Variants in KCNK3 observed in about 807,000 individuals in gnomAD.
KCNK3 encodes the protein potassium two pore domain channel subfamily K member 3.
Under a neutral mutation model 27.3 loss-of-function variants are expected in KCNK3, and 9 were observed. The ratio of observed to expected loss-of-function variants is 0.33; its 90% CI spans 0.20 to 0.57. The LOEUF (loss-of-function observed/expected upper bound fraction) is 0.57, where lower values mean the gene tolerates loss of function less well. KCNK3 is among the 20% of genes least tolerant of loss of function. The pLI, the probability that KCNK3 is intolerant of heterozygous loss-of-function variation, is 0.87. For synonymous variants in KCNK3, 278 were observed against 273.8 expected (o/e 1.02, Z -0.15); for missense variants, 391 against 577.7 (o/e 0.68, Z 3.31).
chr2:26,718,470 A>T (rs1007474167), intron 1 of KCNK3, among the ~76,000 whole-genome samples: 2 of 152,208 alleles, frequency 1.3e-5, no homozygotes, highest in African/African-American at 4.8e-5. Context: ...TACAAAAGTA[A>T]TAGTTTTTTG....
In KCNK3 at chr2:26,692,874, C is replaced by A. The variant is rs756684255; in HGVS notation, c.-2C>A. 40 of 1,321,204 alleles carry A rather than the reference C, an allele frequency of 3.0e-5. No individual in the cohort carries two copies. In the East Asian group the frequency reaches 1.0e-3, roughly 33 times the overall value. 81.8% of individuals were successfully genotyped at this position (1,321,204 alleles called of 1,614,324 possible). On this transcript the variant is annotated 5_prime_UTR_variant, in exon 1 of 2. Transcript: ENST00000302909. The surrounding 1 kb of genome is among the most constrained non-coding windows in gnomAD (Gnocchi z 5.6). ...GGGGCCGGCGGCGGCCCGGGCGGGA[C>A]GATGAAGCGGCAGAACGTGCGCACG...
intron 1 of KCNK3, among the ~76,000 whole-genome samples, chr2:26,699,093 G>A (rs995805644): frequency 2.6e-5 from 4 of 151,222 alleles, no homozygotes; most frequent in East Asian, 1.9e-4. Context: ...CAGGAGAATC[G>A]CTTAAACCTG....
intron 1 of KCNK3, among the ~76,000 whole-genome samples, chr2:26,713,227 A>G (rs1663157677): frequency 6.6e-6 from 1 of 152,226 alleles, no homozygotes; most frequent in Non-Finnish European, 1.5e-5. Flanking sequence ...ATTGGAGGCC[A>G]GAAGAGATGA....
intron 1 of KCNK3, among the ~76,000 whole-genome samples, chr2:26,712,322 G>A (rs911684543): frequency 2.0e-5 from 3 of 152,186 alleles, no homozygotes; most frequent in Non-Finnish European, 4.4e-5. Context: ...GCAACCGAAG[G>A]CTTGTTCACT....
chr2:26,702,781 C>A (rs1448660174), intron 1 of KCNK3, among the ~76,000 whole-genome samples: 1 of 152,056 alleles, frequency 6.6e-6, no homozygotes, highest in African/African-American at 2.4e-5. Context: ...CTGGTAGGGG[C>A]TGGCTTGGCA....
chr2:26,730,895 A>G lies in KCNK3; in HGVS notation c.*2327A>G, dbSNP rs1663527167. 1 of 152,950 alleles carries G rather than the reference A, an allele frequency of 6.5e-6. No homozygotes were observed. Among genetic ancestry groups the G allele is most frequent in the South Asian group, 2.1e-4 (1 of 4,840 alleles). The allele number at this position is 152,950 out of a possible 1,614,324, so 9.5% of individuals were successfully genotyped here. A position where few individuals can be genotyped will look rare whatever the true frequency, so the allele number is the denominator to read the frequency against. ...GAAGGGTGCAGAATGGCCGTGGGGC[A>G]CAGCGTGGCAGACTGTTCAGTCTCT... is the stretch of plus-strand genomic sequence containing the variant. On this transcript the variant is annotated 3_prime_UTR_variant, in exon 2 of 2. Coordinates refer to ENST00000302909, the MANE Select transcript of KCNK3 (RefSeq NM_002246.3).
intron 1 of KCNK3, among the ~76,000 whole-genome samples, chr2:26,717,355 A>G (rs1663250462): frequency 6.6e-6 from 1 of 152,154 alleles, no homozygotes; most frequent in Admixed American, 6.5e-5. Context: ...TGTGGCAAGG[A>G]GATACCAACA....
chr2:26,711,680 G>A (rs1367885759), intron 1 of KCNK3, among the ~76,000 whole-genome samples: 6 of 152,360 alleles, frequency 3.9e-5, no homozygotes, highest in East Asian at 1.9e-4. Context: ...CAATAGGGTC[G>A]TTTGAAGATT....
intron 1 of KCNK3, among the ~76,000 whole-genome samples, chr2:26,710,181 C>T (rs1194085791): frequency 2.6e-5 from 4 of 152,224 alleles, no homozygotes; most frequent in African/African-American, 4.8e-5. Flanking sequence ...GGAACCTGGG[C>T]CTGCGAGACA....
intron 1 of KCNK3, among the ~76,000 whole-genome samples, chr2:26,694,333 C>A (rs562810533): frequency 6.6e-6 from 1 of 152,340 alleles, no homozygotes; most frequent in South Asian, 2.1e-4. Context: ...TGTTCCCTCT[C>A]CTCTCCCTAG....
At chr2:26,727,287 C>T (rs1214279934) in intron 1 of KCNK3, among the ~76,000 whole-genome samples, 2 of 152,180 alleles carry the variant, frequency 1.3e-5, no homozygotes, top group African/African-American at 4.8e-5. Context: ...GACCTGTGCC[C>T]TCACACTCTC....
At chr2:26,697,694 A>G (rs1360809763) in intron 1 of KCNK3, among the ~76,000 whole-genome samples, 1 of 152,050 alleles carries the variant, frequency 6.6e-6, no homozygotes, top group Non-Finnish European at 1.5e-5. Flanking sequence ...GGTCCTGGGA[A>G]TCTTTTTGGC....
chr2:26,715,882 G>A (rs2148264718), intron 1 of KCNK3, among the ~76,000 whole-genome samples: 1 of 152,300 alleles, frequency 6.6e-6, no homozygotes, highest in South Asian at 2.1e-4. Flanking sequence ...ATTGCTTTGG[G>A]CCAGCTGACA....
At chr2:26,706,618 G>A (rs1670377369) in intron 1 of KCNK3, among the ~76,000 whole-genome samples, 1 of 152,138 alleles carries the variant, frequency 6.6e-6, no homozygotes, top group South Asian at 2.1e-4. Flanking sequence ...AGGGGCCGGA[G>A]AGAGAAAACC....
At chr2:26,713,793 G>A (rs1234780420) in intron 1 of KCNK3, among the ~76,000 whole-genome samples, 1 of 147,248 alleles carries the variant, frequency 6.8e-6, no homozygotes, top group African/African-American at 2.5e-5. Flanking sequence ...AAAAAAAAAA[G>A]GGCTGGGTGC....
At chr2:26,712,471 C>T (rs1369434233) in intron 1 of KCNK3, among the ~76,000 whole-genome samples, 6 of 152,122 alleles carry the variant, frequency 3.9e-5, no homozygotes, top group African/African-American at 7.2e-5. Context: ...TCAGTGGCTT[C>T]TTTAGATCCC....
intron 1 of KCNK3, among the ~76,000 whole-genome samples, chr2:26,707,244 A>G (rs1670386913): frequency 6.6e-6 from 1 of 152,194 alleles, no homozygotes; most frequent in Non-Finnish European, 1.5e-5. Flanking sequence ...GGACAGGGTC[A>G]GCTGCTCACG....
At chr2:26,708,326 G>C (rs115440782) in intron 1 of KCNK3, among the ~76,000 whole-genome samples, 1,815 of 152,080 alleles carry the variant, frequency 0.012, 28 homozygotes, top group African/African-American at 0.033. Flanking sequence ...GAGGAGAAGA[G>C]GCAGAAATCT....
intron 1 of KCNK3, among the ~76,000 whole-genome samples, chr2:26,716,027 C>CAGA (rs760673974): frequency 6.6e-6 from 1 of 152,218 alleles, no homozygotes; most frequent in African/African-American, 2.4e-5. Flanking sequence ...CTTCATTTCC[C>CAGA]AGAAGAAGCG....
Sources: allele counts gnomAD v4.1 joint callset (sites outside exome capture counted in the v4.1 genomes callset), GRCh38; gene constraint gnomAD v4.1.1; non-coding constraint Gnocchi (gnomAD v3.1); transcripts MANE v1.5; gene names NCBI Gene and HGNC (gene_info 2026-07-23, HGNC 2026-07-21).